FHIT: variants seen among roughly 807,000 people sequenced by gnomAD.
The protein encoded by FHIT is fragile histidine triad diadenosine triphosphatase.
FHIT carries 19 observed loss-of-function variants against 17.9 expected under a neutral mutation model. That is an observed-to-expected ratio of 1.06 (90% confidence interval 0.74 to 1.56). The LOEUF is 1.56. FHIT is among the 40% of genes most tolerant of loss of function. The pLI is 0.00. For missense variants in FHIT, 248 were observed against 189.2 expected, an observed-to-expected ratio of 1.31 and a Z score of -1.82; for synonymous variants, 81 against 69.7, an observed-to-expected ratio of 1.16 and a Z score of -0.81.
At chr3:61,008,096 CTA>C (rs2031566976) in intron 3 of FHIT, among the ~76,000 whole-genome samples, 1 of 152,230 alleles carries the variant, frequency 6.6e-6, no homozygotes, top group African/African-American at 2.4e-5. Flanking sequence ...CCCTCTCTTA[CTA>C]ATCACCTGCA....
chr3:59,949,917 C>A (rs1290464876), intron 7 of FHIT, among the ~76,000 whole-genome samples: 1 of 152,152 alleles, frequency 6.6e-6, no homozygotes, highest in African/African-American at 2.4e-5. Context: ...AACAACAATG[C>A]ATAATTAAAC....
intron 4 of FHIT, among the ~76,000 whole-genome samples, chr3:60,762,629 T>A (rs530535569): frequency 1.3e-5 from 2 of 152,354 alleles, no homozygotes. Flanking sequence ...GGCCATGGTA[T>A]CCAGATACTT....
intron 1 of FHIT, among the ~76,000 whole-genome samples, chr3:61,223,550 C>G (rs966279062): frequency 6.6e-6 from 1 of 152,192 alleles, no homozygotes; most frequent in East Asian, 1.9e-4. Flanking sequence ...AGTCCCTTAG[C>G]CCTTCCTAAT....
At chr3:60,573,042 T>A (rs993783699) in intron 4 of FHIT, among the ~76,000 whole-genome samples, 8 of 152,152 alleles carry the variant, frequency 5.3e-5, no homozygotes, top group Non-Finnish European at 1.0e-4. Context: ...ACAAAGCTAC[T>A]AAGTGGCAGG....
intron 4 of FHIT, chr3:60,732,319 T>A (rs2107990442): frequency 2.1e-6 from 2 of 940,994 alleles, no homozygotes; most frequent in Non-Finnish European, 3.5e-6. Flanking sequence ...GAACCATTTG[T>A]GTTGGGTCCA....
chr3:60,812,897 T>C (rs1354392030), intron 4 of FHIT, among the ~76,000 whole-genome samples: 1 of 152,120 alleles, frequency 6.6e-6, no homozygotes, highest in African/African-American at 2.4e-5. Context: ...CTTAGAGCCA[T>C]AGATTCTTCC....
intron 3 of FHIT, among the ~76,000 whole-genome samples, chr3:60,995,089 G>C (rs974023500): frequency 9.9e-5 from 15 of 152,172 alleles, no homozygotes; most frequent in Non-Finnish European, 2.9e-5. Context: ...GGGAGGCCGA[G>C]GCGGGCGGAT....
At chr3:60,785,934 C>CACACACACACAGAG (rs139392863) in intron 4 of FHIT, among the ~76,000 whole-genome samples, 3 of 137,892 alleles carry the variant, frequency 2.2e-5, no homozygotes, top group African/African-American at 8.0e-5. Flanking sequence ...CACACACACA[C>CACACACACACAGAG]AGAGAGAGTA....
chr3:59,873,328 T>C (rs762210292), intron 8 of FHIT, among the ~76,000 whole-genome samples: 10 of 152,188 alleles, frequency 6.6e-5, no homozygotes, highest in Non-Finnish European at 1.3e-4. Flanking sequence ...ACAATGTATT[T>C]ACTCATCATT....
chr3:59,822,282 T>C (rs1281928968), intron 8 of FHIT, among the ~76,000 whole-genome samples: 2 of 152,218 alleles, frequency 1.3e-5, no homozygotes, highest in South Asian at 2.1e-4. Flanking sequence ...CTTTTTTGTA[T>C]AATGACTTCT....
At chr3:59,772,223 A>AAGTT (rs111602591) in intron 8 of FHIT, among the ~76,000 whole-genome samples, 3,529 of 152,264 alleles carry the variant, frequency 0.023, 146 homozygotes, top group African/African-American at 0.08. Context: ...AGTGAATTTG[A>AAGTT]AGTTAGAAGA....
At chr3:60,511,279 T>A (rs2107543992) in intron 5 of FHIT, among the ~76,000 whole-genome samples, 1 of 152,310 alleles carries the variant, frequency 6.6e-6, no homozygotes, top group South Asian at 2.1e-4. Context: ...AAATATTACC[T>A]ATAATTACCA....
chr3:59,763,989 T>C (rs80036126), intron 8 of FHIT, among the ~76,000 whole-genome samples: 362 of 152,290 alleles, frequency 2.4e-3, no homozygotes, highest in African/African-American at 8.4e-3. Flanking sequence ...CAGAAGACTA[T>C]TAAACAGGCA....
chr3:60,747,471 C>G (rs1243761302), intron 4 of FHIT, among the ~76,000 whole-genome samples: 1 of 151,988 alleles, frequency 6.6e-6, no homozygotes, highest in Non-Finnish European at 1.5e-5. Context: ...ACAAAATGCC[C>G]AATAAATTTT....
chr3:59,884,590 G>C (rs1703542048), intron 8 of FHIT, among the ~76,000 whole-genome samples: 1 of 152,116 alleles, frequency 6.6e-6, no homozygotes, highest in African/African-American at 2.4e-5. Context: ...TTATTTATTT[G>C]GCTATAATGC....
intron 3 of FHIT, among the ~76,000 whole-genome samples, chr3:60,943,242 C>T (rs1380899049): frequency 6.6e-6 from 1 of 151,998 alleles, no homozygotes; most frequent in African/African-American, 2.4e-5. Context: ...GTTTTCAATA[C>T]TTCTTGGTGA....
At chr3:60,268,617 G>A (rs562149654) in intron 5 of FHIT, among the ~76,000 whole-genome samples, 1 of 152,312 alleles carries the variant, frequency 6.6e-6, no homozygotes, top group Admixed American at 6.5e-5. Flanking sequence ...TCATTAGCCA[G>A]TATACATCCT....
chr3:60,024,436 G>A (rs1700662269), intron 5 of FHIT, among the ~76,000 whole-genome samples: 1 of 152,166 alleles, frequency 6.6e-6, no homozygotes, highest in African/African-American at 2.4e-5. Context: ...AGATCACAAA[G>A]TTGAATATTA....
intron 5 of FHIT, among the ~76,000 whole-genome samples, chr3:60,158,351 G>C (rs1700796067): frequency 6.6e-6 from 1 of 150,540 alleles, no homozygotes; most frequent in Non-Finnish European, 1.5e-5. Flanking sequence ...CAGAATCTCT[G>C]CCCAGTCTGG....
Sources: allele counts gnomAD v4.1 joint callset (sites outside exome capture counted in the v4.1 genomes callset), GRCh38; gene constraint gnomAD v4.1.1; transcripts MANE v1.5; gene names NCBI Gene and HGNC (gene_info 2026-07-23, HGNC 2026-07-21).